Variants in IPCEF1 observed in about 807,000 individuals in gnomAD.
IPCEF1 encodes the protein interaction protein for cytohesin exchange factors 1.
In IPCEF1, 31 loss-of-function variants were observed where a neutral mutation model predicts 50.9. The observed-to-expected ratio is 0.61, with a 90% confidence interval of 0.46 to 0.82. The LOEUF is 0.82. Ranked by LOEUF, IPCEF1 falls within the 40% of genes least tolerant of loss-of-function variation. IPCEF1 has a pLI of 0.00. For synonymous variants in IPCEF1, 181 were observed against 192.0 expected (o/e 0.94, Z 0.47); for missense variants, 458 against 514.0 (o/e 0.89, Z 1.05).
chr6:154,263,146 C>T (rs1312878991), intron 3 of IPCEF1, among the ~76,000 whole-genome samples: 3 of 151,390 alleles, frequency 2.0e-5, no homozygotes, highest in African/African-American at 4.9e-5. Context: ...CTTCAACTTC[C>T]TTACTCTATT....
chr6:154,350,976 T>G (rs559536026), intron 1 of IPCEF1, among the ~76,000 whole-genome samples: 1 of 152,328 alleles, frequency 6.6e-6, no homozygotes, highest in South Asian at 2.1e-4. Flanking sequence ...CAACTCCGCT[T>G]CCCAAAGTGC....
At chr6:154,190,965 A>G (rs1272944325) in intron 10 of IPCEF1, among the ~76,000 whole-genome samples, 2 of 152,130 alleles carry the variant, frequency 1.3e-5, no homozygotes, top group East Asian at 3.9e-4. Context: ...CTGAGGCAGG[A>G]GAATGGCATG....
chr6:154,351,809 G>A (rs1784124121), intron 1 of IPCEF1, among the ~76,000 whole-genome samples: 1 of 152,138 alleles, frequency 6.6e-6, no homozygotes, highest in African/African-American at 2.4e-5. Flanking sequence ...AGCATAAAAA[G>A]GAACAAGATC....
At chr6:154,318,430 T>A (rs1400350728) in intron 1 of IPCEF1, among the ~76,000 whole-genome samples, 3 of 152,118 alleles carry the variant, frequency 2.0e-5, no homozygotes, top group Admixed American at 2.0e-4. Context: ...AGGAATAATG[T>A]AGGGTAGGAT....
At chr6:154,298,793 G>T (rs775566574) in intron 1 of IPCEF1, among the ~76,000 whole-genome samples, 2 of 151,968 alleles carry the variant, frequency 1.3e-5, no homozygotes, top group Non-Finnish European at 2.9e-5. Flanking sequence ...GTGAAACCCC[G>T]TCTCTACTAA....
At chr6:154,267,838 G>A (rs1781797130) in intron 2 of IPCEF1, among the ~76,000 whole-genome samples, 1 of 152,188 alleles carries the variant, frequency 6.6e-6, no homozygotes, top group Admixed American at 6.5e-5. Flanking sequence ...TGTCTCTGCA[G>A]GTCCTGAAGC....
intron 2 of IPCEF1, among the ~76,000 whole-genome samples, chr6:154,279,699 A>G (rs779006921): frequency 1.3e-5 from 2 of 152,246 alleles, no homozygotes; most frequent in Non-Finnish European, 2.9e-5. Flanking sequence ...CCCATTCATC[A>G]AAAGACAACC....
chr6:154,321,202 A>AT (rs1225868192), intron 1 of IPCEF1, among the ~76,000 whole-genome samples: 4 of 152,146 alleles, frequency 2.6e-5, no homozygotes, highest in Non-Finnish European at 5.9e-5. Context: ...AAGTGCTGGG[A>AT]TTACAGGGGT....
chr6:154,212,244 T>C (rs1322385286), intron 9 of IPCEF1, among the ~76,000 whole-genome samples: 1 of 152,188 alleles, frequency 6.6e-6, no homozygotes, highest in Non-Finnish European at 1.5e-5. Flanking sequence ...CATTTGGTGC[T>C]TCCAAAGCTT....
chr6:154,235,301 C>CG (rs1381073267), intron 5 of IPCEF1, among the ~76,000 whole-genome samples: 1 of 152,078 alleles, frequency 6.6e-6, no homozygotes, highest in Non-Finnish European at 1.5e-5. Context: ...GAGGCCAAGG[C>CG]GGGCAGATCA....
intron 3 of IPCEF1, among the ~76,000 whole-genome samples, chr6:154,258,124 A>G (rs535998574): frequency 1.3e-5 from 2 of 152,316 alleles, no homozygotes; most frequent in Admixed American, 1.3e-4. Flanking sequence ...TCCAGGTCAA[A>G]TGGCACCTCC....
Position 154,159,850 on chromosome 6 carries a change from G to T in IPCEF1, c.1295C>A (p.Pro432His). The change falls in exon 12 of 12, where the codon CCC becomes CAC. Residue 432 changes from proline to histidine, a missense_variant. Coordinates refer to ENST00000367220, the MANE Select transcript of IPCEF1 (RefSeq NM_001130700.2). The part of the protein sequence containing the change: ...PQELKKSPSS[P>H]SVENSI ...GTCTCAAATGGAATTTTCAACAGAG[G>T]GAGAAGAAGGTGATTTCTTGAGTTC... 1 of 1,611,054 alleles carries T rather than the reference G, an allele frequency of 6.2e-7. No homozygotes were observed.
At chr6:154,346,388 TG>T (rs1364843230) in intron 1 of IPCEF1, among the ~76,000 whole-genome samples, 1 of 152,244 alleles carries the variant, frequency 6.6e-6, no homozygotes, top group Non-Finnish European at 1.5e-5. Context: ...CATTTTACTA[TG>T]AGGTTGAATT....
intron 1 of IPCEF1, among the ~76,000 whole-genome samples, chr6:154,350,408 C>A (rs1328976043): frequency 4.6e-5 from 7 of 152,120 alleles, no homozygotes; most frequent in Non-Finnish European, 7.3e-5. Context: ...TTCACAATAG[C>A]CTGATTTTCA....
At chr6:154,271,415 T>G (rs1238967103) in intron 2 of IPCEF1, among the ~76,000 whole-genome samples, 1 of 151,984 alleles carries the variant, frequency 6.6e-6, no homozygotes, top group Non-Finnish European at 1.5e-5. Context: ...AATGAAAATA[T>G]GAGTTTCAGG....
At position 154,161,710 on chromosome 6, in the gene IPCEF1, A is replaced by C. The variant is rs144616537; in HGVS notation, c.1105-1670T>G. 4.0e-3 allele frequency among the ~76,000 whole-genome samples: 608 copies of C among 152,318 alleles called. 2 individuals are homozygous for C. The highest frequency in any genetic ancestry group is 6.2e-3 in the Non-Finnish European group (421 of 68,028). On this transcript the variant is annotated intron_variant, in intron 11 of 11. Coordinates refer to ENST00000367220, the MANE Select transcript of IPCEF1 (RefSeq NM_001130700.2). ...TCATGGCCCCTCTTCTAAAGCTTAA[A>C]GAAGATGACAAGAAACATTTCCTTC...
chr6:154,180,651 A>T (rs1006204265), intron 10 of IPCEF1, among the ~76,000 whole-genome samples: 1 of 152,030 alleles, frequency 6.6e-6, no homozygotes, highest in Non-Finnish European at 1.5e-5. Context: ...TTTAAATGCT[A>T]TATTTTCAAC....
intron 2 of IPCEF1, among the ~76,000 whole-genome samples, 173 bp from the exon 3 acceptor site, chr6:154,266,137 A>C (rs1359097635): frequency 1.3e-5 from 2 of 152,306 alleles, no homozygotes; most frequent in Non-Finnish European, 2.9e-5. Flanking sequence ...CTCTAGTCCC[A>C]GAGCTTTGGG....
chr6:154,349,778 TC>T (rs1275345881), intron 1 of IPCEF1, among the ~76,000 whole-genome samples: 3 of 152,206 alleles, frequency 2.0e-5, no homozygotes, highest in Non-Finnish European at 4.4e-5. Flanking sequence ...GTCACAGATT[TC>T]TACTGCATAG....
Sources: allele counts gnomAD v4.1 joint callset (sites outside exome capture counted in the v4.1 genomes callset), GRCh38; gene constraint gnomAD v4.1.1; transcripts MANE v1.5; gene names NCBI Gene and HGNC (gene_info 2026-07-23, HGNC 2026-07-21).